The following PSMD7 variants were observed in gnomAD, a reference collection of about 807,000 sequenced individuals.
PSMD7 encodes 26S proteasome non-ATPase regulatory subunit 7.
PSMD7 carries 13 observed loss-of-function variants against 36.4 expected under a neutral mutation model. The observed-to-expected ratio is 0.36, with a 90% confidence interval of 0.23 to 0.57. The LOEUF (loss-of-function observed/expected upper bound fraction) is 0.57. PSMD7 is among the 20% of genes least tolerant of loss of function. The probability of loss-of-function intolerance (pLI) is 0.83; values close to 1 mark genes in which losing one functional copy is unlikely to be tolerated. For missense variants in PSMD7, 298 were observed against 393.6 expected (o/e 0.76, Z 2.06); for synonymous variants, 186 against 151.0 (o/e 1.23, Z -1.70).
intron 1 of PSMD7, among the ~76,000 whole-genome samples, chr16:74,297,819 G>A (rs2034125542): frequency 1.3e-5 from 2 of 152,166 alleles, no homozygotes; most frequent in Admixed American, 6.5e-5. Flanking sequence ...CCCCAGGGTC[G>A]TATCTATGTT....
chr16:74,301,589 C>A lies in PSMD7; in HGVS notation c.294C>A (p.Gly98=). ...GAATAGTTGGCTGGTACCACACAGG[C>A]CCTAAACTACACAAGAATGACATTG... ...RERIVGWYHT[G]PKLHKNDIAI... The change falls in exon 4 of 7, where the codon GGC becomes GGA. Residue 98 remains glycine (G), a synonymous_variant. Coordinates refer to ENST00000219313, the MANE Select transcript of PSMD7 (RefSeq NM_002811.5). 2 of 1,613,712 alleles carry A rather than the reference C, an allele frequency of 1.2e-6. No homozygotes were observed. Among genetic ancestry groups the A allele is most frequent in the South Asian group, 2.2e-5 (2 of 91,068 alleles).
At chr16:74,298,571 A>G (rs989347689) in intron 1 of PSMD7, among the ~76,000 whole-genome samples, 1 of 152,222 alleles carries the variant, frequency 6.6e-6, no homozygotes, top group African/African-American at 2.4e-5. Flanking sequence ...TGTTAAGAGC[A>G]CTAGCTTTCA....
At chr16:74,298,897 T>G (rs2034134870) in intron 1 of PSMD7, among the ~76,000 whole-genome samples, 2 of 152,114 alleles carry the variant, frequency 1.3e-5, no homozygotes, top group African/African-American at 4.8e-5. Context: ...AGCACTAGCT[T>G]CTCTATCAAG....
intron 1 of PSMD7, chr16:74,299,482 T>C (rs889641): frequency 0.32 from 136,989 of 425,690 alleles, 23,768 homozygotes; most frequent in Admixed American, 0.46. Context: ...TGAGCTCAAG[T>C]AGTCCCTGCA....
intron 2 of PSMD7, 23 bp from the exon 3 acceptor site, chr16:74,301,029 C>A: frequency 6.5e-7 from 1 of 1,542,240 alleles, no homozygotes; most frequent in African/African-American, 1.4e-5. Flanking sequence ...GCACCCTAAA[C>A]TAACTTTTTT....
chr16:74,303,235 G>A (rs2034170188), intron 5 of PSMD7, among the ~76,000 whole-genome samples: 1 of 152,256 alleles, frequency 6.6e-6, no homozygotes, highest in African/African-American at 2.4e-5. Flanking sequence ...GCAAAGAGGA[G>A]AATGCCCCTT....
At chr16:74,301,211 G>C in intron 3 of PSMD7, 67 bp downstream of exon 3, 1 of 1,096,702 alleles carries the variant, frequency 9.1e-7, no homozygotes. Flanking sequence ...TCTTCTGTTC[G>C]CTTTTCTTTA....
intron 5 of PSMD7, 97 bp from the exon 6 acceptor site, chr16:74,304,206 T>C: frequency 9.4e-7 from 1 of 1,063,332 alleles, no homozygotes; most frequent in Non-Finnish European, 1.4e-6. Flanking sequence ...ACTCATTAAA[T>C]GAGCTGACTT....
intron 1 of PSMD7, among the ~76,000 whole-genome samples, chr16:74,298,054 A>G (rs2034127243): frequency 6.7e-6 from 1 of 148,930 alleles, no homozygotes; most frequent in African/African-American, 2.5e-5. Flanking sequence ...GCATTTTGGG[A>G]GGCTGAGACG....
At position 74,296,906 on chromosome 16, in the gene PSMD7, T is replaced by C. The variant is rs760771176; in HGVS notation, c.-9T>C. 6.2e-7 allele frequency: 1 copy of C among 1,610,184 alleles called. No individual in the cohort carries two copies. Among genetic ancestry groups the C allele is most frequent in the Non-Finnish European group, 8.5e-7 (1 of 1,178,890 alleles). ...AGGGAGCCAGGCCTGGCGAGCGGGG[T>C]GTGTCGCGATGCCGGAGCTGGCAGT... On this transcript the variant is annotated 5_prime_UTR_variant, in exon 1 of 7. Coordinates refer to ENST00000219313, the MANE Select transcript of PSMD7 (RefSeq NM_002811.5).
At chr16:74,300,969 A>C in intron 2 of PSMD7, 83 bp from the exon 3 acceptor site, 1 of 757,592 alleles carries the variant, frequency 1.3e-6, no homozygotes, top group Non-Finnish European at 2.1e-6. Flanking sequence ...AGTGAATCAG[A>C]ACTGGCCTAG....
At chr16:74,301,488 C>G (rs561716957) in intron 3 of PSMD7, 67 bp from the exon 4 acceptor site, 1 of 1,201,606 alleles carries the variant, frequency 8.3e-7, no homozygotes, top group Non-Finnish European at 1.2e-6. Flanking sequence ...ATGTTCTTAT[C>G]CTTTTTGAGG....
chr16:74,298,565 A>C (rs2034132095), intron 1 of PSMD7, among the ~76,000 whole-genome samples: 1 of 152,230 alleles, frequency 6.6e-6, no homozygotes, highest in African/African-American at 2.4e-5. Flanking sequence ...AGCACTTGTT[A>C]AGAGCACTAG....
At chr16:74,300,352 C>CT in intron 2 of PSMD7, 146 bp downstream of exon 2, 1 of 693,274 alleles carries the variant, frequency 1.4e-6, no homozygotes, top group Non-Finnish European at 2.5e-6. Flanking sequence ...CTGAAGATTG[C>CT]ACACTAGACC....
At chr16:74,302,389 C>T in intron 5 of PSMD7, 97 bp downstream of exon 5, 1 of 987,104 alleles carries the variant, frequency 1.0e-6, no homozygotes, top group Non-Finnish European at 1.5e-6. Context: ...TCCTTTGTCT[C>T]CGTAACAAAA....
intron 3 of PSMD7, 29 bp downstream of exon 3, chr16:74,301,173 G>C: frequency 6.8e-7 from 1 of 1,474,978 alleles, no homozygotes; most frequent in Non-Finnish European, 9.4e-7. Context: ...AGGTGTTACA[G>C]CATAGAATTG....
At chr16:74,298,629 G>A (rs1203487161) in intron 1 of PSMD7, among the ~76,000 whole-genome samples, 1 of 152,130 alleles carries the variant, frequency 6.6e-6, no homozygotes, top group Non-Finnish European at 1.5e-5. Context: ...TTCGGAGACC[G>A]AGGTGGGCGG....
At chr16:74,301,507 T>C (rs765495678) in intron 3 of PSMD7, 48 bp from the exon 4 acceptor site, 2 of 1,372,744 alleles carry the variant, frequency 1.5e-6, no homozygotes, top group South Asian at 2.3e-5. Context: ...GGGAGTTGTA[T>C]AGATCTTCAT....
intron 4 of PSMD7, 44 bp from the exon 5 acceptor site, chr16:74,302,168 G>A (rs1378963681): frequency 1.3e-6 from 2 of 1,498,744 alleles, no homozygotes; most frequent in Non-Finnish European, 9.2e-7. Context: ...TACCCCTTTT[G>A]TGCTGGGCGT....
Sources: gnomAD v4.1 joint callset for allele counts (sites outside exome capture counted in the v4.1 genomes callset) on GRCh38, gnomAD v4.1.1 for gene constraint, MANE v1.5 for transcripts, NCBI Gene and HGNC (gene_info 2026-07-23, HGNC 2026-07-21) for gene names.